EDNRB: variants seen among roughly 807,000 people sequenced by gnomAD.
EDNRB encodes endothelin receptor type B.
EDNRB carries 18 observed loss-of-function variants against 46.4 expected under a neutral mutation model. The observed-to-expected ratio is 0.39, with a 90% confidence interval of 0.27 to 0.57. The LOEUF is 0.57. Ranked by LOEUF, EDNRB falls within the 20% of genes least tolerant of loss-of-function variation. The pLI is 0.61. For synonymous variants in EDNRB, 213 were observed against 204.9 expected, an observed-to-expected ratio of 1.04 and a Z score of -0.34; for missense variants, 434 against 537.5, an observed-to-expected ratio of 0.81 and a Z score of 1.90.
chr13:77,936,627 G>T (rs774882492), intron 1 of EDNRB, among the ~76,000 whole-genome samples: 1 of 152,230 alleles, frequency 6.6e-6, no homozygotes, highest in African/African-American at 2.4e-5. Context: ...GAGTCAGAGA[G>T]CCTTGGGCCA....
chr13:77,923,778 C>CT (rs10709405), upstream of EDNRB, among the ~76,000 whole-genome samples: 5,423 of 140,184 alleles, frequency 0.039, 303 homozygotes, highest in African/African-American at 0.12. Flanking sequence ...AAGAGAGGTA[C>CT]TTTTTTTTTT....
At chr13:77,925,826 C>T (rs1353938090) in intron 1 of EDNRB, among the ~76,000 whole-genome samples, 1 of 152,148 alleles carries the variant, frequency 6.6e-6, no homozygotes, top group Admixed American at 6.5e-5. Context: ...CATCTTGCAC[C>T]GTGCGCCTGG....
chr13:77,974,618 C>CTCCCTTTTCTG (rs1555296038), intron 1 of EDNRB, among the ~76,000 whole-genome samples: 1 of 65,232 alleles, frequency 1.5e-5, no homozygotes, highest in Non-Finnish European at 5.1e-5. Context: ...CTCTCTGCCT[C>CTCCCTTTTCTG]TCTCTCTCTC....
intron 1 of EDNRB, among the ~76,000 whole-genome samples, chr13:77,931,776 A>AAAAC (rs1880417203): frequency 9.7e-6 from 1 of 102,890 alleles, no homozygotes; most frequent in Non-Finnish European, 2.0e-5. Context: ...AAAAAAAAAC[A>AAAAC]AAAAAAACCT....
intron 3 of EDNRB, among the ~76,000 whole-genome samples, chr13:77,902,217 G>C (rs963941083): frequency 3.3e-5 from 5 of 151,940 alleles, no homozygotes; most frequent in African/African-American, 1.2e-4. Flanking sequence ...CTGAATATTT[G>C]CTGGACCATC....
chr13:77,919,135 GC>G (rs1879979239), upstream of EDNRB: 1 of 520,080 alleles, frequency 1.9e-6, no homozygotes, highest in East Asian at 3.8e-5. Context: ...CTGAGCTACA[GC>G]TCCCGCAGCG....
intron 1 of EDNRB, among the ~76,000 whole-genome samples, chr13:77,960,158 C>A (rs936971515): frequency 3.9e-5 from 6 of 152,102 alleles, no homozygotes; most frequent in Admixed American, 1.3e-4. Flanking sequence ...GCAAGGCAGG[C>A]CAACATTCAA....
At chr13:77,899,737 G>A in intron 6 of EDNRB, 122 bp downstream of exon 6, 1 of 741,822 alleles carries the variant, frequency 1.3e-6, no homozygotes, top group Admixed American at 2.7e-5. Flanking sequence ...CATCCATGAT[G>A]TAATAAAAGG....
upstream of EDNRB, among the ~76,000 whole-genome samples, chr13:77,924,219 C>T (rs897144176): frequency 9.2e-5 from 14 of 152,330 alleles, no homozygotes; most frequent in Admixed American, 6.5e-4. Context: ...TTGCTTATCT[C>T]TTTTAGTGAT....
At chr13:77,919,589 T>G, upstream of EDNRB, 1 of 1,611,340 alleles carries the variant, frequency 6.2e-7, no homozygotes, top group Non-Finnish European at 8.5e-7. Context: ...GGGTCTCTGC[T>G]GCCATCAGAC....
intron 3 of EDNRB, among the ~76,000 whole-genome samples, chr13:77,901,985 T>C (rs1252260785): frequency 6.6e-6 from 1 of 151,958 alleles, no homozygotes; most frequent in Non-Finnish European, 1.5e-5. Flanking sequence ...CCCCTTTGCA[T>C]TAATGTCTCT....
intron 1 of EDNRB, among the ~76,000 whole-genome samples, chr13:77,915,948 C>A (rs1407897560): frequency 1.3e-5 from 2 of 152,174 alleles, no homozygotes; most frequent in African/African-American, 4.8e-5. Context: ...TGTATGACCT[C>A]TTGGGGAGTC....
At chr13:77,959,235 AC>A (rs1881329275) in intron 1 of EDNRB, among the ~76,000 whole-genome samples, 1 of 152,186 alleles carries the variant, frequency 6.6e-6, no homozygotes, top group Admixed American at 6.5e-5. Flanking sequence ...GAATGGACAG[AC>A]TGCCTCCTCA....
upstream of EDNRB, chr13:77,918,902 G>A: frequency 8.1e-7 from 1 of 1,231,000 alleles, no homozygotes; most frequent in Non-Finnish European, 1.0e-6. This position sits in a 1 kb window ranked among gnomAD's most constrained non-coding sequence, Gnocchi z 4.5. Flanking sequence ...GTGCCAGGGA[G>A]GGAATGATGG....
At chr13:77,927,884 G>C (rs1249331049) in intron 1 of EDNRB, among the ~76,000 whole-genome samples, 2 of 152,162 alleles carry the variant, frequency 1.3e-5, no homozygotes, top group African/African-American at 4.8e-5. Flanking sequence ...TTGAATCATG[G>C]GGGTGAGTTT....
Position 77,912,175 on chromosome 13 carries a change from G to A in EDNRB, c.483+5916C>T, listed in dbSNP as rs1469522551. The stretch of plus-strand genomic sequence containing the variant: ...CAATCTTGAAAGACTCATTTTAAAT[G>A]AGCAAACTGAGAAATGTAAACCTTT... On this transcript the variant is annotated intron_variant, in intron 1 of 6. Transcript: ENST00000646607. Among the ~76,000 whole-genome samples, 4 of 152,068 alleles carry A rather than the reference G, an allele frequency of 2.6e-5. No homozygotes were observed. The South Asian group carries it at 8.3e-4, about 31-fold the overall frequency.
At chr13:77,973,875 T>C (rs1881806879) in intron 1 of EDNRB, among the ~76,000 whole-genome samples, 3 of 152,026 alleles carry the variant, frequency 2.0e-5, no homozygotes, top group Admixed American at 2.0e-4. Context: ...AGCTAATTTA[T>C]TTCAGGACAA....
chr13:77,946,950 G>GAAA (rs1048902282), intron 1 of EDNRB, among the ~76,000 whole-genome samples: 1 of 152,156 alleles, frequency 6.6e-6, no homozygotes, highest in Non-Finnish European at 1.5e-5. Flanking sequence ...ATTTACTTGA[G>GAAA]AAAAATTTCA....
At chr13:77,914,600 A>G (rs913979051) in intron 1 of EDNRB, among the ~76,000 whole-genome samples, 2 of 152,198 alleles carry the variant, frequency 1.3e-5, no homozygotes, top group Non-Finnish European at 2.9e-5. Context: ...AGCAGCCTCA[A>G]CTTGCTAAGT....
Sources: allele counts gnomAD v4.1 joint callset (sites outside exome capture counted in the v4.1 genomes callset), GRCh38; gene constraint gnomAD v4.1.1; non-coding constraint Gnocchi (gnomAD v3.1); transcripts MANE v1.5; gene names NCBI Gene and HGNC (gene_info 2026-07-23, HGNC 2026-07-21).